DCAF6: variants seen among roughly 807,000 people sequenced by gnomAD.
DCAF6 encodes the protein DDB1 and CUL4 associated factor 6, also known as DDB1- and CUL4-associated factor 6.
Under a neutral mutation model 125.1 loss-of-function variants are expected in DCAF6, and 54 were observed. The observed-to-expected ratio is 0.43, with a 90% confidence interval of 0.35 to 0.54. The LOEUF is 0.54. Among genes scored for constraint, DCAF6 ranks in the 20% least tolerant of loss-of-function variants. The pLI is 0.01. For missense variants in DCAF6, 934 were observed against 1,161.7 expected (o/e 0.80, Z 2.85); for synonymous variants, 371 against 390.4 (o/e 0.95, Z 0.58).
At chr1:167,992,276 CACACACAA>C (rs142807519) in intron 6 of DCAF6, among the ~76,000 whole-genome samples, 11,695 of 151,414 alleles carry the variant, frequency 0.077, 477 homozygotes, top group Middle Eastern at 0.096. Context: ...CACACACACA[CACACACAA>C]ACACCGAATG....
intron 18 of DCAF6, among the ~76,000 whole-genome samples, chr1:168,064,168 C>T (rs1479132374): frequency 6.8e-6 from 1 of 147,658 alleles, no homozygotes; most frequent in Non-Finnish European, 1.5e-5. Flanking sequence ...AAGTTGATTG[C>T]AAAAAATTGT....
chr1:168,074,094 AC>A (rs952345364), intron 21 of DCAF6, among the ~76,000 whole-genome samples: 6 of 151,966 alleles, frequency 3.9e-5, no homozygotes, highest in African/African-American at 1.4e-4. Context: ...GGTTACACAT[AC>A]ATTATGTCAT....
chr1:168,052,118 A>C (rs1690016933), intron 17 of DCAF6, among the ~76,000 whole-genome samples: 1 of 152,168 alleles, frequency 6.6e-6, no homozygotes, highest in African/African-American at 2.4e-5. Context: ...TACTGACATC[A>C]AGTGATCTGC....
chr1:167,936,977 G>C lies in DCAF6; in HGVS notation c.66G>C (p.Glu22Asp), dbSNP rs1322802778. The change falls in exon 1 of 22, where the codon GAG becomes GAC. Residue 22 changes from glutamate to aspartate, a missense_variant. Coordinates refer to ENST00000367840, the MANE Select transcript of DCAF6 (RefSeq NM_001198956.2). ...TGAGGAAAAGGTCCCTCGGGCTGGAGGACCCGTCCCGGCTGCGGAGTCGCT... is the reference window on the plus strand; with the variant it reads ...TGAGGAAAAGGTCCCTCGGGCTGGACGACCCGTCCCGGCTGCGGAGTCGCT... ...WDVRKRSLGL[E>D]DPSRLRSRYL... The C allele has an allele frequency of 5.6e-6, 9 of 1,611,114 alleles. No individual in the cohort carries two copies. The highest frequency in any genetic ancestry group is 7.6e-6 in the Non-Finnish European group (9 of 1,179,202).
In DCAF6 at chr1:168,015,682, T is replaced by G. The variant is rs899199571; in HGVS notation, c.1379-99T>G. The G allele has an allele frequency of 4.5e-6, 5 of 1,109,820 alleles. No individual in the cohort carries two copies. The African/African-American group carries it at 8.1e-5, about 18-fold the overall frequency. The allele number at this position is 1,109,820 out of a possible 1,614,324, so 68.7% of individuals were successfully genotyped here. A position where few individuals can be genotyped will look rare whatever the true frequency, so the allele number is the denominator to read the frequency against. ...ATAGTATTCCTCTATGAGACATGTG[T>G]TTTGTTTATATCCTTCTTCTTTTTT... On this transcript the variant is annotated intron_variant, in intron 10 of 21. Transcript: ENST00000367840.
intron 11 of DCAF6, among the ~76,000 whole-genome samples, chr1:168,017,700 A>T (rs1220067188): frequency 6.6e-6 from 1 of 152,156 alleles, no homozygotes; most frequent in Admixed American, 6.5e-5. Flanking sequence ...CATAATAATT[A>T]AATGCAGTTT....
the DCAF6 span, among the ~76,000 whole-genome samples, chr1:167,930,767 T>C: frequency 6.6e-6 from 1 of 152,338 alleles, no homozygotes; most frequent in Non-Finnish European, 1.5e-5. Context: ...TTAAACATAT[T>C]TCATTCTCTG....
intron 13 of DCAF6, among the ~76,000 whole-genome samples, chr1:168,039,038 A>G (rs1291449695): frequency 6.6e-6 from 1 of 152,008 alleles, no homozygotes; most frequent in East Asian, 1.9e-4. Context: ...TCTATAGTTT[A>G]CTTAGCCATT....
At chr1:167,907,332 A>G in the DCAF6 span, among the ~76,000 whole-genome samples, 1 of 152,246 alleles carries the variant, frequency 6.6e-6, no homozygotes. Flanking sequence ...TGAAATCTCA[A>G]TGGCTTGAAA....
At chr1:168,018,212 G>A (rs1685225933) in intron 11 of DCAF6, among the ~76,000 whole-genome samples, 1 of 152,116 alleles carries the variant, frequency 6.6e-6, no homozygotes, top group African/African-American at 2.4e-5. Context: ...GCTGGTTTAG[G>A]ATAATCCCAG....
At chr1:167,973,981 C>T (rs1407500943) in intron 3 of DCAF6, among the ~76,000 whole-genome samples, 3 of 152,022 alleles carry the variant, frequency 2.0e-5, no homozygotes, top group Admixed American at 6.6e-5. Flanking sequence ...CTGGTATTAC[C>T]GTTTAGCATT....
At chr1:167,909,630 C>T in the DCAF6 span, among the ~76,000 whole-genome samples, 2 of 152,170 alleles carry the variant, frequency 1.3e-5, no homozygotes, top group African/African-American at 4.8e-5. Flanking sequence ...GATTCTTCCT[C>T]TTCCAATTGT....
At chr1:168,069,901 A>G (rs1692817875) in intron 21 of DCAF6, among the ~76,000 whole-genome samples, 1 of 152,200 alleles carries the variant, frequency 6.6e-6, no homozygotes, top group East Asian at 1.9e-4. Context: ...CTTAAAATTC[A>G]TCCATTTGAA....
At chr1:167,880,420 C>A in the DCAF6 span, 24 of 1,152,780 alleles carry the variant, frequency 2.1e-5, no homozygotes, top group Non-Finnish European at 2.9e-5. Flanking sequence ...TTTCCTGTTC[C>A]CTGCATGCCC....
chr1:168,054,372 G>C (rs1690336595), intron 17 of DCAF6, among the ~76,000 whole-genome samples: 1 of 152,052 alleles, frequency 6.6e-6, no homozygotes, highest in Non-Finnish European at 1.5e-5. Flanking sequence ...TTCTTATAAA[G>C]CCACCAGTCC....
intron 7 of DCAF6, among the ~76,000 whole-genome samples, chr1:167,997,908 G>T (rs1681983977): frequency 6.6e-6 from 1 of 152,046 alleles, no homozygotes; most frequent in African/African-American, 2.4e-5. Flanking sequence ...GATACTCAAC[G>T]TTATTAGTCC....
At chr1:167,895,013 C>A in the DCAF6 span, among the ~76,000 whole-genome samples, 3 of 152,030 alleles carry the variant, frequency 2.0e-5, no homozygotes, top group African/African-American at 7.2e-5. Context: ...GAAACCCTGT[C>A]TCTACTAAAA....
At chr1:167,926,873 G>A in the DCAF6 span, among the ~76,000 whole-genome samples, 1 of 151,992 alleles carries the variant, frequency 6.6e-6, no homozygotes, top group African/African-American at 2.4e-5. Context: ...CTCATCTCAG[G>A]TTGCATCTCC....
At chr1:167,920,447 G>C in the DCAF6 span, 6 of 1,156,340 alleles carry the variant, frequency 5.2e-6, no homozygotes, top group Admixed American at 1.4e-4. Flanking sequence ...TTTGTGTGTG[G>C]GTGTATTTCA....
Sources: allele counts gnomAD v4.1 joint callset (sites outside exome capture counted in the v4.1 genomes callset), GRCh38; gene constraint gnomAD v4.1.1; transcripts MANE v1.5; gene names NCBI Gene and HGNC (gene_info 2026-07-23, HGNC 2026-07-21).